Variants in GPC6 observed in about 807,000 individuals in gnomAD.
The protein encoded by GPC6 is glypican 6.
GPC6 carries 14 observed loss-of-function variants against 55.2 expected under a neutral mutation model. That is an observed-to-expected ratio of 0.25 (90% confidence interval 0.17 to 0.40). The LOEUF is 0.40. Among genes scored for constraint, GPC6 ranks in the 10% least tolerant of loss-of-function variants. The pLI, the probability that GPC6 is intolerant of heterozygous loss-of-function variation, is 1.00. For missense variants in GPC6, 641 were observed against 708.5 expected, an observed-to-expected ratio of 0.90 and a Z score of 1.08; for synonymous variants, 278 against 259.6, an observed-to-expected ratio of 1.07 and a Z score of -0.68.
Position 93,763,462 on chromosome 13 carries a change from G to T in GPC6, c.320-66692G>T, listed in dbSNP as rs534574397. Among the ~76,000 whole-genome samples, 8 of 152,272 alleles carry T rather than the reference G, an allele frequency of 5.3e-5. No individual in the cohort carries two copies. The East Asian group carries it at 1.5e-3, about 29-fold the overall frequency. Reference sequence around the variant, plus strand: ...CTTGCCCCTATCCTCTCATATCATAGGACTTTGGGTAGCCCCCAGCTGTTT... The same window carrying T: ...CTTGCCCCTATCCTCTCATATCATATGACTTTGGGTAGCCCCCAGCTGTTT... On this transcript the variant is annotated intron_variant, in intron 2 of 8. Transcript: ENST00000377047.
intron 6 of GPC6, among the ~76,000 whole-genome samples, chr13:94,314,358 G>A (rs1479575980): frequency 1.3e-5 from 2 of 152,216 alleles, no homozygotes; most frequent in African/African-American, 4.8e-5. Context: ...TATAGGCCAT[G>A]TCTAATAGCT....
intron 6 of GPC6, among the ~76,000 whole-genome samples, chr13:94,381,021 G>A (rs1197160905): frequency 6.6e-6 from 1 of 152,118 alleles, no homozygotes; most frequent in African/African-American, 2.4e-5. Flanking sequence ...TAAGTGATGT[G>A]TCCATCTTGG....
chr13:94,036,800 G>A (rs543872212), intron 4 of GPC6, among the ~76,000 whole-genome samples: 1 of 152,068 alleles, frequency 6.6e-6, no homozygotes, highest in South Asian at 2.1e-4. Flanking sequence ...TTATCTCATA[G>A]GAAGCAAAAT....
At chr13:93,285,642 G>GTGTGTA (rs1555287714) in intron 1 of GPC6, among the ~76,000 whole-genome samples, 7 of 150,902 alleles carry the variant, frequency 4.6e-5, no homozygotes, top group Admixed American at 1.3e-4. Context: ...GTGTGTGTGT[G>GTGTGTA]TGTGTGTGTG....
At chr13:93,330,340 C>G (rs1025102286) in intron 1 of GPC6, among the ~76,000 whole-genome samples, 1 of 152,006 alleles carries the variant, frequency 6.6e-6, no homozygotes, top group Non-Finnish European at 1.5e-5. Flanking sequence ...GCCTGGGTAG[C>G]ATGGCAAGAT....
chr13:93,954,276 A>G (rs1422997706), intron 3 of GPC6, among the ~76,000 whole-genome samples: 1 of 152,192 alleles, frequency 6.6e-6, no homozygotes, highest in Non-Finnish European at 1.5e-5. Context: ...ATATTATAAA[A>G]GTTTTGAAAA....
At chr13:93,638,638 A>G (rs1265446033) in intron 2 of GPC6, among the ~76,000 whole-genome samples, 1 of 152,146 alleles carries the variant, frequency 6.6e-6, no homozygotes, top group African/African-American at 2.4e-5. Flanking sequence ...TCTCAGACTA[A>G]TAGGCATTTC....
intron 1 of GPC6, among the ~76,000 whole-genome samples, chr13:93,463,712 G>T (rs1878793281): frequency 6.6e-6 from 1 of 151,720 alleles, no homozygotes; most frequent in Non-Finnish European, 1.5e-5. Flanking sequence ...AACGCCTTTT[G>T]ACATATTGTT....
intron 4 of GPC6, among the ~76,000 whole-genome samples, chr13:94,205,335 C>T (rs1405460962): frequency 6.6e-6 from 1 of 152,168 alleles, no homozygotes; most frequent in Non-Finnish European, 1.5e-5. Flanking sequence ...CTTATTATAG[C>T]AAATCTCAAA....
intron 2 of GPC6, among the ~76,000 whole-genome samples, chr13:93,691,531 G>A (rs1882257473): frequency 6.7e-6 from 1 of 150,350 alleles, no homozygotes; most frequent in East Asian, 1.9e-4. Context: ...ACGCTAATCT[G>A]ATAAAAGAGT....
intron 3 of GPC6, among the ~76,000 whole-genome samples, chr13:93,987,667 C>G (rs1388129490): frequency 6.6e-6 from 1 of 152,130 alleles, no homozygotes; most frequent in Admixed American, 6.5e-5. Context: ...ACTTTCAAAG[C>G]TATTTCTATA....
At chr13:93,777,608 A>G (rs1414721788) in intron 2 of GPC6, among the ~76,000 whole-genome samples, 4 of 152,180 alleles carry the variant, frequency 2.6e-5, no homozygotes, top group African/African-American at 9.7e-5. Flanking sequence ...CTATGTAGAC[A>G]TTATTGTTAT....
At chr13:93,428,644 A>G (rs1318302993) in intron 1 of GPC6, among the ~76,000 whole-genome samples, 2 of 152,110 alleles carry the variant, frequency 1.3e-5, no homozygotes, top group Non-Finnish European at 2.9e-5. Flanking sequence ...ATTCTTAAAT[A>G]TGTTCTGCAT....
At position 93,886,062 on chromosome 13, in the gene GPC6, G is replaced by A. The variant is rs138122992; in HGVS notation, c.711+55517G>A. 2.1e-3 allele frequency among the ~76,000 whole-genome samples: 313 copies of A among 152,176 alleles called. 3 individuals carry two copies. The highest frequency in any genetic ancestry group is 7.3e-3 in the African/African-American group (303 of 41,546). ...GAATGTTATTGAAATAGTTCTGTGT[G>A]CATCTCACAAAATGAATAAAATATT... On this transcript the variant is annotated intron_variant, in intron 3 of 8. Transcript: ENST00000377047.
At chr13:94,188,222 G>A (rs79507824) in intron 4 of GPC6, among the ~76,000 whole-genome samples, 2,672 of 152,244 alleles carry the variant, frequency 0.018, 76 homozygotes, top group African/African-American at 0.059. Flanking sequence ...ATGACGCTGA[G>A]CCCAAAAGCA....
At chr13:93,860,483 A>T (rs1888775209) in intron 3 of GPC6, among the ~76,000 whole-genome samples, 1 of 151,644 alleles carries the variant, frequency 6.6e-6, no homozygotes, top group African/African-American at 2.4e-5. Context: ...ATTTCAGTTA[A>T]CTCATAGACC....
In GPC6 at chr13:93,649,582, G is replaced by A. The variant is rs544008378; in HGVS notation, c.319+104161G>A. Among the ~76,000 whole-genome samples, 60 of 152,214 alleles carry A rather than the reference G, an allele frequency of 3.9e-4. 1 individual carries two copies. In the South Asian group the frequency reaches 0.012, roughly 30 times the overall value. Reference sequence around the variant, plus strand: ...GAAGTAATAAGTCCAGCAAAAAAATGGTGAGATCTTATTCCCTGCTGTTTA... The same window carrying A: ...GAAGTAATAAGTCCAGCAAAAAAATAGTGAGATCTTATTCCCTGCTGTTTA... On this transcript the variant is annotated intron_variant, in intron 2 of 8. Coordinates refer to ENST00000377047, the MANE Select transcript of GPC6 (RefSeq NM_005708.5).
intron 1 of GPC6, among the ~76,000 whole-genome samples, chr13:93,239,348 A>T (rs2139013011): frequency 6.6e-6 from 1 of 151,608 alleles, no homozygotes; most frequent in East Asian, 2.0e-4. Context: ...TTTACTCTAG[A>T]TTTTCTAGTT....
chr13:93,993,836 T>A (rs986693473), intron 3 of GPC6, among the ~76,000 whole-genome samples: 9 of 152,182 alleles, frequency 5.9e-5, no homozygotes, highest in Admixed American at 5.2e-4. Context: ...AAATTTCTTT[T>A]GGCTAAGTTG....
Sources: gnomAD v4.1 joint callset for allele counts (sites outside exome capture counted in the v4.1 genomes callset) on GRCh38, gnomAD v4.1.1 for gene constraint, MANE v1.5 for transcripts, NCBI Gene and HGNC (gene_info 2026-07-23, HGNC 2026-07-21) for gene names.